MARCHF10: variants seen among roughly 807,000 people sequenced by gnomAD.
MARCHF10 encodes probable E3 ubiquitin-protein ligase MARCHF10.
A neutral mutation model predicts 76.2 loss-of-function variants in MARCHF10; 64 were observed. That is an observed-to-expected ratio of 0.84 (90% CI 0.69 to 1.03). MARCHF10 has a LOEUF of 1.03. MARCHF10 is among the 50% of genes least tolerant of loss of function. The pLI, the probability that MARCHF10 is intolerant of heterozygous loss-of-function variation, is 0.00. For missense variants in MARCHF10, 875 were observed against 958.0 expected (o/e 0.91, Z 1.14); for synonymous variants, 340 against 357.5 (o/e 0.95, Z 0.55).
chr17:62,779,233 C>A (rs553888384), intron 3 of MARCHF10, among the ~76,000 whole-genome samples: 1 of 152,156 alleles, frequency 6.6e-6, no homozygotes, highest in Non-Finnish European at 1.5e-5. Context: ...CTAGAACCAG[C>A]GTGTGCATGC....
At position 62,726,753 on chromosome 17, in the gene MARCHF10, C is replaced by G. The variant is rs762700158; in HGVS notation, c.1938-1649G>C. Among the ~76,000 whole-genome samples the G allele has an allele frequency of 2.6e-5, 4 of 152,124 alleles. No homozygotes were observed. The South Asian group carries it at 6.2e-4, about 24-fold the overall frequency. On this transcript the variant is annotated intron_variant, in intron 6 of 10. Coordinates refer to ENST00000311269, the MANE Select transcript of MARCHF10 (RefSeq NM_152598.4). ...AAGCGATTCTCCTGCCTCAGCCTCC[C>G]GAGTAGCTGGGATTATAGGCGTGCA...
intron 2 of MARCHF10, among the ~76,000 whole-genome samples, chr17:62,799,768 A>G (rs2093042730): frequency 6.6e-6 from 1 of 152,128 alleles, no homozygotes; most frequent in Non-Finnish European, 1.5e-5. Flanking sequence ...AAAAAGAATA[A>G]AACCTAAATG....
At chr17:62,800,837 C>T (rs967807127) in intron 2 of MARCHF10, among the ~76,000 whole-genome samples, 3 of 152,110 alleles carry the variant, frequency 2.0e-5, no homozygotes, top group Non-Finnish European at 2.9e-5. Context: ...TCCTCAGGCT[C>T]CCTGTGTGTT....
At chr17:62,773,819 C>T (rs748515532) in intron 3 of MARCHF10, among the ~76,000 whole-genome samples, 2 of 152,172 alleles carry the variant, frequency 1.3e-5, no homozygotes, top group Admixed American at 6.5e-5. Context: ...ACCAAAGAAG[C>T]GGGGCAGCAC....
chr17:62,805,869 A>G (rs186146877), intron 1 of MARCHF10, among the ~76,000 whole-genome samples: 6 of 151,836 alleles, frequency 4.0e-5, no homozygotes, highest in African/African-American at 1.5e-4. Context: ...CCAAGATCGC[A>G]CCACTGCACT....
chr17:62,744,452 G>T lies in MARCHF10; in HGVS notation c.459C>A (p.His153Gln). The change falls in exon 5 of 11, where the codon CAC (histidine) becomes CAA (glutamine). Residue 153 changes from histidine (H) to glutamine (Q), a missense_variant. Transcript: ENST00000311269. Reference sequence around the variant, plus strand: ...TTCTGTCCCCAGATGCTCTCGGGCTGTGCGATTCTGGGCTGACTGTAAATC... The same window carrying T: ...TTCTGTCCCCAGATGCTCTCGGGCTTTGCGATTCTGGGCTGACTGTAAATC... ...LRRFTVSPES[H>Q]SPRASGDRSR... is the part of the protein sequence containing the mutation. 2 of 1,614,172 alleles carry T rather than the reference G, an allele frequency of 1.2e-6. No individual in the cohort carries two copies. The highest frequency in any genetic ancestry group is 8.5e-7 in the Non-Finnish European group (1 of 1,180,028).
rs192445979 is a variant in MARCHF10 at position 62,783,700 on chromosome 17, C to T, written c.210+4780G>A. ...AAAATGATAAAGGGGATATCACCACCGATCCCACAGAAATACAAACTACCA... is the reference window on the plus strand; with the variant it reads ...AAAATGATAAAGGGGATATCACCACTGATCCCACAGAAATACAAACTACCA... On this transcript the variant is annotated intron_variant, in intron 3 of 10. Transcript: ENST00000311269. Among the ~76,000 whole-genome samples the T allele has an allele frequency of 9.5e-4, 145 of 151,962 alleles. 3 individuals are homozygous for T. The East Asian group carries it at 0.024, about 25-fold the overall frequency.
chr17:62,710,747 G>C (rs1273054333), intron 9 of MARCHF10, among the ~76,000 whole-genome samples: 5 of 152,048 alleles, frequency 3.3e-5, no homozygotes, highest in African/African-American at 1.2e-4. Context: ...TTTTAGTAGA[G>C]ACAGGGTTTC....
intron 8 of MARCHF10, among the ~76,000 whole-genome samples, chr17:62,720,203 T>C (rs1231862504): frequency 6.6e-6 from 1 of 152,252 alleles, no homozygotes; most frequent in African/African-American, 2.4e-5. Flanking sequence ...CTTCAAACTG[T>C]GCTTTTCACC....
intron 4 of MARCHF10, among the ~76,000 whole-genome samples, chr17:62,756,663 A>T (rs1192420585): frequency 6.6e-6 from 1 of 152,176 alleles, no homozygotes; most frequent in Non-Finnish European, 1.5e-5. Context: ...ATGTTTTATC[A>T]TTGAGTTCTC....
In MARCHF10 at chr17:62,736,021, C is replaced by G. The variant is rs141504034; in HGVS notation, c.1847G>C (p.Gly616Ala). The G allele has an allele frequency of 9.0e-4, 1,452 of 1,614,140 alleles. 16 individuals carry two copies. In the African/African-American group the frequency reaches 0.017, roughly 19 times the overall value. Residue 616 changes from glycine to alanine, a missense_variant, in exon 6 of 11, where the codon GGG (glycine) becomes GCG (alanine). By Grantham distance (60) the Gly-to-Ala change is moderately conservative. Transcript: ENST00000311269. ...GAAACCAGAGGCTGCCATCCTGCTC[C>G]CATTATCATTTTGATTTGGGAAATG... is the stretch of plus-strand genomic sequence containing the variant. Reference protein sequence around the residue: ...VSHFPNQNDNGSRMAASGFTD... With the variant: ...VSHFPNQNDNASRMAASGFTD...
intron 3 of MARCHF10, among the ~76,000 whole-genome samples, chr17:62,779,270 C>T (rs2092612189): frequency 6.6e-6 from 1 of 152,178 alleles, no homozygotes; most frequent in Non-Finnish European, 1.5e-5. Flanking sequence ...GCACACAGGC[C>T]TAGGGCCAGA....
At position 62,783,182 on chromosome 17, in the gene MARCHF10, G is replaced by A. The variant is rs568491734; in HGVS notation, c.210+5298C>T. Reference sequence around the variant, plus strand: ...AATATCCTGTCCTCATATTTTAGAGGAAAAATTGCCAGTTTTTTTTTTTTT... The same window carrying A: ...AATATCCTGTCCTCATATTTTAGAGAAAAAATTGCCAGTTTTTTTTTTTTT... On this transcript the variant is annotated intron_variant, in intron 3 of 10. Coordinates refer to ENST00000311269, the MANE Select transcript of MARCHF10 (RefSeq NM_152598.4). Among the ~76,000 whole-genome samples the A allele has an allele frequency of 9.1e-5, 12 of 131,200 alleles. No individual in the cohort carries two copies. In the South Asian group the frequency reaches 2.5e-3, roughly 27 times the overall value. The allele number at this position is 131,200 out of a possible 152,430, so 86.1% of individuals were successfully genotyped here. A position where few individuals can be genotyped will look rare whatever the true frequency, so the allele number is the denominator to read the frequency against.
chr17:62,714,947 C>T (rs1171245960), intron 8 of MARCHF10, among the ~76,000 whole-genome samples: 4 of 152,102 alleles, frequency 2.6e-5, no homozygotes, highest in African/African-American at 7.2e-5. Flanking sequence ...GGTTTCACCA[C>T]ATTTGGCCAG....
intron 9 of MARCHF10, among the ~76,000 whole-genome samples, chr17:62,709,062 C>T (rs1380460596): frequency 6.6e-6 from 1 of 152,226 alleles, no homozygotes; most frequent in Non-Finnish European, 1.5e-5. Flanking sequence ...CCTTGACAAG[C>T]TCTTTACGGA....
At chr17:62,702,417 AGGGGCGGGGGGCGG>A (rs768376110) in intron 10 of MARCHF10, among the ~76,000 whole-genome samples, 3 of 121,564 alleles carry the variant, frequency 2.5e-5, no homozygotes, top group Non-Finnish European at 5.2e-5. Context: ...TGGAAGGCCA[AGGGGCGGGGGGCGG>A]GGGGCGGCGA....
intron 3 of MARCHF10, among the ~76,000 whole-genome samples, chr17:62,774,659 C>CA (rs1170658776): frequency 1.3e-5 from 2 of 152,280 alleles, no homozygotes; most frequent in African/African-American, 4.8e-5. Flanking sequence ...CTCCTTGACT[C>CA]AGAGTCTTCC....
rs569175773 is a variant in MARCHF10 at position 62,777,187 on chromosome 17, C to T, written c.210+11293G>A. On this transcript the variant is annotated intron_variant, in intron 3 of 10. Coordinates refer to ENST00000311269, the MANE Select transcript of MARCHF10 (RefSeq NM_152598.4). ...TACAACTTTTGATAGGTGCACATTC[C>T]TAAAACATTCTTGCAATCAAGGTAA... Among the ~76,000 whole-genome samples the T allele has an allele frequency of 3.9e-5, 6 of 152,270 alleles. No individual in the cohort carries two copies. The East Asian group carries it at 1.2e-3, about 29-fold the overall frequency.
chr17:62,739,538 A>C (rs539510765), intron 5 of MARCHF10, among the ~76,000 whole-genome samples: 2 of 151,848 alleles, frequency 1.3e-5, no homozygotes, highest in Admixed American at 1.3e-4. Flanking sequence ...TGCTCCACCA[A>C]GCCCGGCTAA....
Sources: gnomAD v4.1 joint callset for allele counts (sites outside exome capture counted in the v4.1 genomes callset) on GRCh38, gnomAD v4.1.1 for gene constraint, MANE v1.5 for transcripts, NCBI Gene and HGNC (gene_info 2026-07-23, HGNC 2026-07-21) for gene names.